The following CLASP2 variants were observed in gnomAD, a reference collection of about 807,000 sequenced individuals.
The protein encoded by CLASP2 is CLIP-associating protein 2.
CLASP2 carries 47 observed loss-of-function variants against 194.4 expected under a neutral mutation model. The ratio of observed to expected loss-of-function variants is 0.24; its 90% CI spans 0.19 to 0.31. The LOEUF (loss-of-function observed/expected upper bound fraction) is 0.31, where lower values mean the gene tolerates loss of function less well. Among genes scored for constraint, CLASP2 ranks in the 10% least tolerant of loss-of-function variants. The probability of loss-of-function intolerance (pLI) is 1.00; values close to 1 mark genes in which losing one functional copy is unlikely to be tolerated. For missense variants in CLASP2, 1,445 were observed against 1,823.6 expected (o/e 0.79, Z 3.78); for synonymous variants, 619 against 633.5 (o/e 0.98, Z 0.34).
chr3:33,517,302 A>G (rs1559821573), intron 34 of CLASP2, 128 bp from the exon 35 acceptor site: 8 of 693,702 alleles, frequency 1.2e-5, no homozygotes, highest in Admixed American at 7.7e-5. Context: ...ACAAAGAAAA[A>G]AGACATTAAG....
At chr3:33,538,648 T>C (rs2057819189) in intron 33 of CLASP2, 141 bp downstream of exon 33, 1 of 575,628 alleles carries the variant, frequency 1.7e-6, no homozygotes, top group Non-Finnish European at 2.8e-6. Context: ...GCCTGGTATG[T>C]GGTAGATACT....
intron 8 of CLASP2, among the ~76,000 whole-genome samples, chr3:33,641,735 C>A (rs1575160938): frequency 1.3e-5 from 2 of 151,764 alleles, no homozygotes; most frequent in South Asian, 4.1e-4. Flanking sequence ...AGTCACGATT[C>A]CAAAGAAGCT....
intron 4 of CLASP2, among the ~76,000 whole-genome samples, chr3:33,687,854 T>A (rs2090885255): frequency 6.6e-6 from 1 of 152,182 alleles, no homozygotes. Flanking sequence ...TCCAGTTACC[T>A]GGGAAAGTTT....
chr3:33,675,390 TTCATGCTAAAAAC>T (rs2088345942), intron 6 of CLASP2, among the ~76,000 whole-genome samples: 1 of 151,658 alleles, frequency 6.6e-6, no homozygotes, highest in South Asian at 2.1e-4. Context: ...TTCAACAACC[TTCATGCTAAAAAC>T]TCTCAATAAA....
intron 7 of CLASP2, chr3:33,658,918 C>G (rs1035474774): frequency 4.2e-6 from 6 of 1,430,448 alleles, no homozygotes; most frequent in Non-Finnish European, 5.7e-6. Context: ...AAATGATCGT[C>G]ACCTTAAAAG....
At chr3:33,541,197 T>A (rs1046487194) in intron 32 of CLASP2, among the ~76,000 whole-genome samples, 1 of 152,184 alleles carries the variant, frequency 6.6e-6, no homozygotes, top group Non-Finnish European at 1.5e-5. Context: ...CACATGTATG[T>A]GCACTGTAGC....
intron 29 of CLASP2, among the ~76,000 whole-genome samples, chr3:33,556,284 A>G (rs543094441): frequency 6.6e-6 from 1 of 152,250 alleles, no homozygotes; most frequent in African/African-American, 2.4e-5. Flanking sequence ...CTCAAGTTAC[A>G]TGTGGTTTTC....
At position 33,506,377 on chromosome 3, in the gene CLASP2, C is replaced by CAAAAAAAAAAAAAAAAAAAAAA. The variant is rs2048189726; in HGVS notation, c.4317+4180_4317+4181insTTTTTTTTTTTTTTTTTTTTTT. Among the ~76,000 whole-genome samples, 13 of 61,876 alleles carry CAAAAAAAAAAAAAAAAAAAAAA rather than the reference C, an allele frequency of 2.1e-4. 4 individuals are homozygous for CAAAAAAAAAAAAAAAAAAAAAA. Among genetic ancestry groups the CAAAAAAAAAAAAAAAAAAAAAA allele is most frequent in the African/African-American group, 6.8e-4 (12 of 17,540 alleles). The allele number at this position is 61,876 out of a possible 152,430, so 40.6% of individuals were successfully genotyped here. The stretch of plus-strand genomic sequence containing the variant: ...TGGGTGACAGAGTGAGACTCTGTCT[C>CAAAAAAAAAAAAAAAAAAAAAA]GAAAAAAAAAAAAAAAAAAAAAAAA... On this transcript the variant is annotated intron_variant, in intron 37 of 38. Transcript: ENST00000682230.
chr3:33,604,113 A>T, intron 17 of CLASP2, 41 bp downstream of exon 17: 1 of 1,438,522 alleles, frequency 7.0e-7, no homozygotes, highest in Non-Finnish European at 9.5e-7. Context: ...ACTGTTTCAA[A>T]GATAAAATAG....
At chr3:33,603,213 T>C (rs2072774185) in intron 17 of CLASP2, 88 bp from the exon 18 acceptor site, 1 of 1,347,034 alleles carries the variant, frequency 7.4e-7, no homozygotes, top group Non-Finnish European at 9.9e-7. Flanking sequence ...TGAGCTAATC[T>C]GATGACAAAT....
intron 1 of CLASP2, among the ~76,000 whole-genome samples, chr3:33,698,791 T>C (rs963552104): frequency 6.6e-6 from 1 of 152,182 alleles, no homozygotes; most frequent in Non-Finnish European, 1.5e-5. Context: ...TTTAACTTGC[T>C]CTTAAACATC....
At chr3:33,631,706 A>AG (rs1295366092) in intron 9 of CLASP2, among the ~76,000 whole-genome samples, 2 of 152,036 alleles carry the variant, frequency 1.3e-5, no homozygotes, top group African/African-American at 4.8e-5. Context: ...CAAAAAAAAA[A>AG]AAAAAAATTC....
chr3:33,548,759 A>ATTTCT (rs2059546954), intron 30 of CLASP2, among the ~76,000 whole-genome samples: 1 of 111,506 alleles, frequency 9.0e-6, no homozygotes, highest in African/African-American at 3.4e-5. Flanking sequence ...CTACGGTTTC[A>ATTTCT]TTTCTTTTTT....
intron 1 of CLASP2, among the ~76,000 whole-genome samples, chr3:33,709,069 T>C (rs2092873155): frequency 6.6e-6 from 1 of 152,342 alleles, no homozygotes; most frequent in South Asian, 2.1e-4. Flanking sequence ...TTTGTTTTGT[T>C]GATTGCTTCC....
intron 6 of CLASP2, among the ~76,000 whole-genome samples, chr3:33,664,349 G>C (rs1410699415): frequency 6.6e-6 from 1 of 151,862 alleles, no homozygotes; most frequent in East Asian, 1.9e-4. Context: ...TTGTGACTTA[G>C]AGAATTGAGG....
chr3:33,663,460 A>G lies in CLASP2; in HGVS notation c.700T>C (p.Leu234=). The change falls in exon 7 of 39, where the codon TTG becomes CTG. Residue 234 remains leucine, a synonymous_variant. Coordinates refer to ENST00000682230, the MANE Select transcript of CLASP2 (RefSeq NM_001365631.1). Reference sequence around the variant, plus strand: ...TTACTCTTACCTTTGCAGACACTCAAAATCATACCGCCTGAACTTTGCACT... The same window carrying G: ...TTACTCTTACCTTTGCAGACACTCAGAATCATACCGCCTGAACTTTGCACT... ...DEVQSSGGMI[L]SVCKDKSFDD... The G allele has an allele frequency of 1.2e-6, 2 of 1,612,544 alleles. No individual in the cohort carries two copies. The highest frequency in any genetic ancestry group is 1.7e-6 in the Non-Finnish European group (2 of 1,179,186).
At chr3:33,622,025 G>A in intron 11 of CLASP2, 110 bp downstream of exon 11, 1 of 799,404 alleles carries the variant, frequency 1.3e-6, no homozygotes. Context: ...ATGATTTTTG[G>A]ATCATATACT....
chr3:33,680,870 T>C (rs1265044077), intron 6 of CLASP2, among the ~76,000 whole-genome samples: 1 of 152,076 alleles, frequency 6.6e-6, no homozygotes, highest in Non-Finnish European at 1.5e-5. Context: ...CTCACACCTG[T>C]AATCCCAGCA....
At chr3:33,522,489 T>C (rs1013270314) in intron 34 of CLASP2, among the ~76,000 whole-genome samples, 1 of 152,000 alleles carries the variant, frequency 6.6e-6, no homozygotes, top group Non-Finnish European at 1.5e-5. Flanking sequence ...GATTCAAATA[T>C]CCAGTTTTCA....
Sources: gnomAD v4.1 joint callset for allele counts (sites outside exome capture counted in the v4.1 genomes callset) on GRCh38, gnomAD v4.1.1 for gene constraint, MANE v1.5 for transcripts, NCBI Gene and HGNC (gene_info 2026-07-23, HGNC 2026-07-21) for gene names.